The following PLXNA2 variants were observed in gnomAD, a reference collection of about 807,000 sequenced individuals.
PLXNA2 encodes plexin A2, also known as plexin-A2.
In PLXNA2, 91 loss-of-function variants were observed where a neutral mutation model predicts 193.5. That is an observed-to-expected ratio of 0.47 (90% CI 0.40 to 0.56). PLXNA2 has a LOEUF of 0.56. PLXNA2 is among the 20% of genes least tolerant of loss of function. The pLI, the probability that PLXNA2 is intolerant of heterozygous loss-of-function variation, is 0.00. For missense variants in PLXNA2, 1,995 were observed against 2,503.2 expected, an observed-to-expected ratio of 0.80 and a Z score of 4.33; for synonymous variants, 997 against 1,027.3, an observed-to-expected ratio of 0.97 and a Z score of 0.56.
chr1:208,096,603 A>G, intron 7 of PLXNA2, 127 bp downstream of exon 7: 1 of 1,134,210 alleles, frequency 8.8e-7, no homozygotes, highest in South Asian at 1.6e-5. Context: ...TTTCAAACGT[A>G]AACAAGTTGT....
chr1:208,138,254 C>T (rs369940772), intron 4 of PLXNA2, among the ~76,000 whole-genome samples: 6 of 152,342 alleles, frequency 3.9e-5, no homozygotes, highest in Admixed American at 2.0e-4. Context: ...ACCTTCAGTA[C>T]ACTCTTCAAT....
intron 4 of PLXNA2, among the ~76,000 whole-genome samples, chr1:208,104,550 T>TG (rs1383625944): frequency 6.6e-6 from 1 of 152,038 alleles, no homozygotes; most frequent in African/African-American, 2.4e-5. Flanking sequence ...AGGGGTGCCT[T>TG]GAAGGGTAAG....
chr1:208,105,457 C>A (rs777462094), intron 4 of PLXNA2, among the ~76,000 whole-genome samples: 9 of 152,220 alleles, frequency 5.9e-5, no homozygotes, highest in Non-Finnish European at 1.2e-4. Flanking sequence ...CCAATTCTGA[C>A]ATTCCAGCCT....
intron 12 of PLXNA2, among the ~76,000 whole-genome samples, chr1:208,061,102 A>G (rs542102996): frequency 4.1e-4 from 63 of 152,354 alleles, no homozygotes; most frequent in African/African-American, 1.5e-3. Flanking sequence ...AAAGAATACT[A>G]GACTCAAGGC....
intron 12 of PLXNA2, among the ~76,000 whole-genome samples, chr1:208,075,085 C>T (rs1418840865): frequency 3.3e-5 from 5 of 152,210 alleles, no homozygotes; most frequent in East Asian, 1.9e-4. Flanking sequence ...TTGAGGTGGG[C>T]GGATCACCTG....
At chr1:208,087,371 G>A (rs1666565381) in intron 9 of PLXNA2, among the ~76,000 whole-genome samples, 1 of 151,298 alleles carries the variant, frequency 6.6e-6, no homozygotes, top group Admixed American at 6.6e-5. Flanking sequence ...AGAATCATGA[G>A]TAGACTTTAT....
At chr1:208,154,083 C>G (rs1310036778) in intron 3 of PLXNA2, among the ~76,000 whole-genome samples, 1 of 152,150 alleles carries the variant, frequency 6.6e-6, no homozygotes, top group Non-Finnish European at 1.5e-5. Flanking sequence ...TCCATGGACT[C>G]TCTTTGCTCC....
intron 3 of PLXNA2, among the ~76,000 whole-genome samples, chr1:208,199,420 C>G (rs184675048): frequency 3.3e-5 from 5 of 152,346 alleles, no homozygotes; most frequent in African/African-American, 1.2e-4. Context: ...AGGCCGGGCG[C>G]AGTGGCTCAC....
At chr1:208,030,205 CCTT>C (rs1437662327) in intron 29 of PLXNA2, 1 of 985,582 alleles carries the variant, frequency 1.0e-6, no homozygotes, top group Non-Finnish European at 1.2e-6. Flanking sequence ...TCTACCCTCC[CCTT>C]CTTCTGGCAG....
At chr1:208,059,920 C>A (rs554747285) in intron 13 of PLXNA2, among the ~76,000 whole-genome samples, 4 of 152,118 alleles carry the variant, frequency 2.6e-5, no homozygotes, top group African/African-American at 9.7e-5. Flanking sequence ...GGAAGGAAGT[C>A]CCTGCCCCAA....
intron 3 of PLXNA2, among the ~76,000 whole-genome samples, chr1:208,160,220 C>A (rs1448676574): frequency 1.3e-5 from 2 of 152,234 alleles, no homozygotes; most frequent in Non-Finnish European, 2.9e-5. Flanking sequence ...ACAACCCCCC[C>A]CGCCCAGAAG....
intron 6 of PLXNA2, among the ~76,000 whole-genome samples, chr1:208,097,145 G>A (rs1195708674): frequency 6.6e-6 from 1 of 152,158 alleles, no homozygotes; most frequent in Admixed American, 6.5e-5. Context: ...AGCCCTAGGG[G>A]TGGGGGCGCT....
rs937750417 is a variant in PLXNA2, at chr1:208,191,713, C to G, written c.1371+18567G>C. ...GAGAATCAAGAGTTGAACACAGATA[C>G]TTTGGCCCCAAGGCCTGGACTCTTC... is the stretch of plus-strand genomic sequence containing the variant. On this transcript the variant is annotated intron_variant, in intron 3 of 31. Coordinates refer to ENST00000367033, the MANE Select transcript of PLXNA2 (RefSeq NM_025179.4). 2.6e-5 allele frequency among the ~76,000 whole-genome samples: 4 copies of G among 152,206 alleles called. No individual in the cohort carries two copies. In the East Asian group the frequency reaches 7.7e-4, roughly 29 times the overall value.
chr1:208,129,274 T>C (rs1446192135), intron 4 of PLXNA2, among the ~76,000 whole-genome samples: 1 of 152,152 alleles, frequency 6.6e-6, no homozygotes, highest in Non-Finnish European at 1.5e-5. Flanking sequence ...CTGCCAGAGC[T>C]AGCATCTTTT....
rs561030548 is a variant in PLXNA2 at position 208,040,664 on chromosome 1, T to C, written c.4287-606A>G. Among the ~76,000 whole-genome samples the C allele has an allele frequency of 4.6e-5, 7 of 152,366 alleles. No homozygotes were observed. In the South Asian group the frequency reaches 1.2e-3, roughly 27 times the overall value. ...TCATAATAACATCCAACCCCAGTGG[T>C]TGTTGTCAGGGTTGAATGAGTTAAT... is the stretch of plus-strand genomic sequence containing the variant. On this transcript the variant is annotated intron_variant, in intron 22 of 31. Transcript: ENST00000367033.
chr1:208,126,532 C>T (rs953680423), intron 4 of PLXNA2, among the ~76,000 whole-genome samples: 4 of 152,134 alleles, frequency 2.6e-5, no homozygotes, highest in Admixed American at 2.6e-4. Context: ...GCACTATGCT[C>T]ATGAAGCATC....
chr1:208,124,048 G>A (rs552853499), intron 4 of PLXNA2, among the ~76,000 whole-genome samples: 15 of 152,262 alleles, frequency 9.9e-5, no homozygotes, highest in Non-Finnish European at 1.3e-4. Context: ...GCCACTAGAT[G>A]TTAGTCTAGG....
rs79854108 is a variant in PLXNA2, at chr1:208,120,430, G to A, written c.1507-17183C>T. 8.4e-3 allele frequency among the ~76,000 whole-genome samples: 1,285 copies of A among 152,288 alleles called. 17 individuals carry two copies. The highest frequency in any genetic ancestry group is 0.029 in the African/African-American group (1,223 of 41,548). ...AGACTTCATCTTTGACGCATGGGGAGGGGCAGGCAGCACTTTTCGGGTTCT... is the reference window on the plus strand; with the variant it reads ...AGACTTCATCTTTGACGCATGGGGAAGGGCAGGCAGCACTTTTCGGGTTCT... On this transcript the variant is annotated intron_variant, in intron 4 of 31. Coordinates refer to ENST00000367033, the MANE Select transcript of PLXNA2 (RefSeq NM_025179.4).
chr1:208,133,566 G>A (rs969313047), intron 4 of PLXNA2, among the ~76,000 whole-genome samples: 3 of 152,176 alleles, frequency 2.0e-5, no homozygotes, highest in African/African-American at 7.2e-5. Flanking sequence ...CATTATACAT[G>A]GTCAACACTT....
Sources: allele counts gnomAD v4.1 joint callset (sites outside exome capture counted in the v4.1 genomes callset), GRCh38; gene constraint gnomAD v4.1.1; transcripts MANE v1.5; gene names NCBI Gene and HGNC (gene_info 2026-07-23, HGNC 2026-07-21).